CCDC175: variants seen among roughly 807,000 people sequenced by gnomAD.
The protein encoded by CCDC175 is coiled-coil domain containing 175.
Under a neutral mutation model 114.6 loss-of-function variants are expected in CCDC175, and 100 were observed. The ratio of observed to expected loss-of-function variants is 0.87; its 90% CI spans 0.74 to 1.03. CCDC175 has a LOEUF of 1.03. CCDC175 is among the 50% of genes least tolerant of loss of function. The pLI is 0.00. For synonymous variants in CCDC175, 306 were observed against 308.7 expected, an observed-to-expected ratio of 0.99 and a Z score of 0.09; for missense variants, 880 against 917.8, an observed-to-expected ratio of 0.96 and a Z score of 0.53.
chr14:59,556,052 A>G (rs1895877959), intron 7 of CCDC175, among the ~76,000 whole-genome samples: 1 of 152,232 alleles, frequency 6.6e-6, no homozygotes, highest in African/African-American at 2.4e-5. Flanking sequence ...AAGGTAATTT[A>G]TAGATTCAAT....
intron 17 of CCDC175, among the ~76,000 whole-genome samples, chr14:59,517,705 C>T (rs200635038): frequency 0.035 from 5,284 of 152,142 alleles, 156 homozygotes; most frequent in Middle Eastern, 0.1. Context: ...TCCATGCTCA[C>T]GGGTAGGAAG....
chr14:59,540,716 G>C lies in CCDC175; in HGVS notation c.1314C>G (p.Ile438Met), dbSNP rs759919910. The C allele has an allele frequency of 1.6e-6, 2 of 1,263,396 alleles. No individual in the cohort carries two copies. The highest frequency in any genetic ancestry group is 3.0e-5 in the South Asian group (2 of 66,226). 78.3% of individuals were successfully genotyped at this position (1,263,396 alleles called of 1,614,324 possible). The stretch of plus-strand genomic sequence containing the variant: ...TTTCCAGGTTAGCACTCAGGATTTT[G>C]ATTTGTTGCTGATACACTGTTTTTG... ...QATKTVYQQQ[I>M]KILSANLERE... Residue 438 changes from isoleucine (I) to methionine (M), a missense_variant, in exon 11 of 20, where the codon ATC becomes ATG. Ile to Met is a conservative substitution (Grantham distance 10, BLOSUM62 1). Coordinates refer to ENST00000537690, the MANE Select transcript of CCDC175 (RefSeq NM_001164399.2).
At position 59,509,296 on chromosome 14, in the gene CCDC175, C is replaced by A. The variant is rs1892620171; in HGVS notation, c.2305+1350G>T. Among the ~76,000 whole-genome samples the A allele has an allele frequency of 2.0e-5, 3 of 152,114 alleles. No homozygotes were observed. The South Asian group carries it at 6.2e-4, about 32-fold the overall frequency. ...CTAGCAAAGGAAATACAAATAGAAG[C>A]AAGGCCCACAAAGGATCCTTTATGC... On this transcript the variant is annotated intron_variant, in intron 19 of 19. Coordinates refer to ENST00000537690, the MANE Select transcript of CCDC175 (RefSeq NM_001164399.2).
At chr14:59,539,630 T>C (rs542505301) in intron 11 of CCDC175, among the ~76,000 whole-genome samples, 88 of 141,640 alleles carry the variant, frequency 6.2e-4, no homozygotes, top group African/African-American at 2.3e-3. Context: ...AATAATAACA[T>C]TGGCCAGGCA....
At chr14:59,505,730 AAATC>A (rs1892323801) in intron 19 of CCDC175, among the ~76,000 whole-genome samples, 1 of 152,326 alleles carries the variant, frequency 6.6e-6, no homozygotes, top group South Asian at 2.1e-4. Context: ...AGAAATTTAA[AAATC>A]AACCCTTGTC....
intron 14 of CCDC175, among the ~76,000 whole-genome samples, chr14:59,530,841 C>T (rs1179458254): frequency 6.6e-6 from 1 of 152,146 alleles, no homozygotes; most frequent in African/African-American, 2.4e-5. Flanking sequence ...CCATTGTAGT[C>T]CTTTCTGTAA....
In CCDC175 at chr14:59,576,757, T is replaced by A. The variant is rs1329734671; in HGVS notation, c.19A>T (p.Thr7Ser). 5 of 1,456,480 alleles carry A rather than the reference T, an allele frequency of 3.4e-6. No homozygotes were observed. Among genetic ancestry groups the A allele is most frequent in the Non-Finnish European group, 4.5e-6 (5 of 1,115,716 alleles). The allele number at this position is 1,456,480 out of a possible 1,614,324, so 90.2% of individuals were successfully genotyped here. Residue 7 changes from threonine (T) to serine (S), a missense_variant, in exon 1 of 20, where the codon ACC becomes TCC. By Grantham distance (58) the Thr-to-Ser change is moderately conservative. Transcript: ENST00000537690. Reference protein sequence around the residue: MALSPWTPGLGAGEKLV... With the variant: MALSPWSPGLGAGEKLV... ...TTCTCGCCAGCGCCCAGCCCTGGGG[T>A]CCAGGGGCTCAGGGCCATTTTGCCG...
At chr14:59,550,646 A>G (rs990255813) in intron 8 of CCDC175, among the ~76,000 whole-genome samples, 2 of 152,192 alleles carry the variant, frequency 1.3e-5, no homozygotes, top group South Asian at 2.1e-4. Flanking sequence ...CTGAGGAGCC[A>G]GGAAGCCAGT....
chr14:59,518,212 A>G (rs1893217136), intron 17 of CCDC175, among the ~76,000 whole-genome samples: 1 of 152,238 alleles, frequency 6.6e-6, no homozygotes, highest in Non-Finnish European at 1.5e-5. Flanking sequence ...TAAAACCATA[A>G]AAACCCTAGA....
rs531286709 is a variant in CCDC175, at chr14:59,518,629, C to T, written c.2098+2945G>A. ...AAAACCACAATGAGATACCATCTCA[C>T]ACCAGTTAGAATGGCAATCATTAAA... On this transcript the variant is annotated intron_variant, in intron 17 of 19. Transcript: ENST00000537690. Among the ~76,000 whole-genome samples the T allele has an allele frequency of 9.8e-5, 15 of 152,330 alleles. No individual in the cohort carries two copies. In the East Asian group the frequency reaches 2.5e-3, roughly 25 times the overall value.
At chr14:59,567,206 G>A (rs910373965) in intron 4 of CCDC175, among the ~76,000 whole-genome samples, 2 of 152,218 alleles carry the variant, frequency 1.3e-5, no homozygotes, top group Non-Finnish European at 2.9e-5. Context: ...TCTGGCCATG[G>A]TGGCTAGCAC....
rs34112354 is a variant in CCDC175 at position 59,540,648 on chromosome 14, CTTTTTTTT to C, written c.1355+19_1355+26del. 1.7e-5 allele frequency: 19 copies of C among 1,101,124 alleles called. No homozygotes were observed. The highest frequency in any genetic ancestry group is 1.3e-4 in the South Asian group (8 of 60,302). The allele number at this position is 1,101,124 out of a possible 1,614,324, so 68.2% of individuals were successfully genotyped here. A position where few individuals can be genotyped will look rare whatever the true frequency, so the allele number is the denominator to read the frequency against. ...GCTGATAACACAAAACACAAATAAA[CTTTTTTTT>C]TTTTTTTTTTTTTTTTACCATCTCT... On this transcript the variant is annotated intron_variant, in intron 11 of 19. Transcript: ENST00000537690.
At chr14:59,555,035 G>T (rs921940247) in intron 7 of CCDC175, among the ~76,000 whole-genome samples, 2 of 152,142 alleles carry the variant, frequency 1.3e-5, no homozygotes, top group African/African-American at 4.8e-5. Flanking sequence ...TCTACCAGAG[G>T]TACAAGGAGG....
chr14:59,571,485 C>T (rs952693709), intron 3 of CCDC175, among the ~76,000 whole-genome samples: 1 of 152,038 alleles, frequency 6.6e-6, no homozygotes, highest in African/African-American at 2.4e-5. Context: ...GAAGATGTAC[C>T]AAATGGCCAA....
intron 13 of CCDC175, 129 bp downstream of exon 13, chr14:59,537,894 G>T: frequency 1.7e-6 from 1 of 590,236 alleles, no homozygotes; most frequent in Non-Finnish European, 2.7e-6. Flanking sequence ...GATCCAGAAT[G>T]AAATTGTAGC....
chr14:59,510,563 G>A (rs551590929), intron 19 of CCDC175, 83 bp downstream of exon 19: 73 of 1,380,302 alleles, frequency 5.3e-5, no homozygotes, highest in South Asian at 6.3e-5. Flanking sequence ...TAGTTGACAC[G>A]TTTTTTCTTC....
intron 11 of CCDC175, 82 bp downstream of exon 11, chr14:59,540,593 T>C: frequency 7.2e-6 from 10 of 1,392,070 alleles, no homozygotes; most frequent in Non-Finnish European, 8.7e-6. Context: ...CAACAAGTAC[T>C]CTGCACTGTT....
At chr14:59,523,938 G>A (rs112058199) in intron 16 of CCDC175, among the ~76,000 whole-genome samples, 1,803 of 151,910 alleles carry the variant, frequency 0.012, 28 homozygotes, top group African/African-American at 0.042. Context: ...GCAGTGAGCC[G>A]AGATCGTGCC....
chr14:59,509,140 A>C (rs1264861275), intron 19 of CCDC175, among the ~76,000 whole-genome samples: 2 of 152,214 alleles, frequency 1.3e-5, no homozygotes, highest in Non-Finnish European at 2.9e-5. Flanking sequence ...AATTTGTTGC[A>C]ACACAAAGAT....
Sources: gnomAD v4.1 joint callset for allele counts (sites outside exome capture counted in the v4.1 genomes callset) on GRCh38, gnomAD v4.1.1 for gene constraint, MANE v1.5 for transcripts, NCBI Gene and HGNC (gene_info 2026-07-23, HGNC 2026-07-21) for gene names.